ZFAND6: variants seen among roughly 807,000 people sequenced by gnomAD.
ZFAND6 encodes the protein zinc finger AN1-type containing 6.
A neutral mutation model predicts 24.5 loss-of-function variants in ZFAND6; 12 were observed. The ratio of observed to expected loss-of-function variants is 0.49; its 90% CI spans 0.31 to 0.79. The LOEUF is 0.79. Ranked by LOEUF, ZFAND6 falls within the 30% of genes least tolerant of loss-of-function variation. The pLI is 0.04. For missense variants in ZFAND6, 207 were observed against 245.9 expected (o/e 0.84, Z 1.06); for synonymous variants, 92 against 81.5 (o/e 1.13, Z -0.69).
intron 1 of ZFAND6, among the ~76,000 whole-genome samples, chr15:80,069,583 A>G (rs1460538140): frequency 6.6e-6 from 1 of 152,074 alleles, no homozygotes; most frequent in African/African-American, 2.4e-5. Flanking sequence ...AGGCTCAAAT[A>G]TATCTTACTT....
Position 80,121,194 on chromosome 15 carries a change from A to G in ZFAND6, c.155-518A>G, listed in dbSNP as rs114376184. ...TAGGCTATTACTTAGTTCATTTAAT[A>G]TTGTGTGTGAGATCTTGTCTGTTTT... On this transcript the variant is annotated intron_variant, in intron 3 of 6. Coordinates refer to ENST00000261749, the MANE Select transcript of ZFAND6 (RefSeq NM_019006.4). Among the ~76,000 whole-genome samples, 499 of 152,312 alleles carry G rather than the reference A, an allele frequency of 3.3e-3. 4 individuals carry two copies. The highest frequency in any genetic ancestry group is 0.011 in the African/African-American group (477 of 41,578).
chr15:80,112,306 A>C (rs991859911), intron 2 of ZFAND6, among the ~76,000 whole-genome samples: 1 of 152,128 alleles, frequency 6.6e-6, no homozygotes, highest in African/African-American at 2.4e-5. Context: ...TCAGTACAGT[A>C]GTCCAAAATC....
At position 80,094,528 on chromosome 15, in the gene ZFAND6, G is replaced by T. The variant is rs557791396; in HGVS notation, c.-180-3888G>T. ...TTGTCTTCCACGAAACTGGTCCCTG[G>T]ACCTCTTAGTAAGATTAACCCATTG... On this transcript the variant is annotated intron_variant, in intron 1 of 6. Transcript: ENST00000261749. Among the ~76,000 whole-genome samples, 6 of 151,550 alleles carry T rather than the reference G, an allele frequency of 4.0e-5. No homozygotes were observed. In the South Asian group the frequency reaches 1.2e-3, roughly 32 times the overall value.
chr15:80,097,227 T>C (rs878965362), intron 1 of ZFAND6, among the ~76,000 whole-genome samples: 1 of 152,104 alleles, frequency 6.6e-6, no homozygotes, highest in East Asian at 1.9e-4. Context: ...CATGAACTCC[T>C]GACCTCTGGT....
chr15:80,059,074 G>T (rs1439633677), upstream of ZFAND6, among the ~76,000 whole-genome samples: 1 of 152,252 alleles, frequency 6.6e-6, no homozygotes, highest in African/African-American at 2.4e-5. Context: ...GTGCATGCAC[G>T]CTTCTCGTCT....
At chr15:80,063,753 G>T (rs1032241218) in intron 1 of ZFAND6, among the ~76,000 whole-genome samples, 3 of 152,108 alleles carry the variant, frequency 2.0e-5, no homozygotes, top group Non-Finnish European at 4.4e-5. Flanking sequence ...GTTTCAGCAT[G>T]TTGGCCAGCC....
chr15:80,124,294 G>A (rs1347480946), intron 5 of ZFAND6, among the ~76,000 whole-genome samples: 6 of 152,138 alleles, frequency 3.9e-5, no homozygotes, highest in South Asian at 2.1e-4. Flanking sequence ...TTAGCTGGGC[G>A]TGGTGGCGGG....
At chr15:80,129,837 A>G (rs2040517965) in intron 5 of ZFAND6, 1 of 152,234 alleles carries the variant, frequency 6.6e-6, no homozygotes, top group Non-Finnish European at 1.5e-5. Context: ...TTAGCCTGAT[A>G]AAAAGAGGGA....
chr15:80,093,572 A>G (rs2038522565), intron 1 of ZFAND6, among the ~76,000 whole-genome samples: 1 of 152,014 alleles, frequency 6.6e-6, no homozygotes, highest in Admixed American at 6.6e-5. Context: ...ACTAAAATAC[A>G]AAATTAGTCG....
intron 2 of ZFAND6, among the ~76,000 whole-genome samples, chr15:80,099,825 C>T (rs2038940040): frequency 6.6e-6 from 1 of 152,036 alleles, no homozygotes; most frequent in South Asian, 2.1e-4. Flanking sequence ...CCATGTTGGC[C>T]AGTCTGGTCT....
In ZFAND6 at chr15:80,109,159, C is replaced by G. The variant is rs560699759; in HGVS notation, c.-18+10581C>G. On this transcript the variant is annotated intron_variant, in intron 2 of 6. Coordinates refer to ENST00000261749, the MANE Select transcript of ZFAND6 (RefSeq NM_019006.4). ...TCTCGTTTTTTGCCTTGGGATAAAT[C>G]CTTGGCTACTAGTGGTGGTGTGCAG... 2.6e-5 allele frequency among the ~76,000 whole-genome samples: 4 copies of G among 152,222 alleles called. No homozygotes were observed. In the East Asian group the frequency reaches 5.8e-4, roughly 22 times the overall value.
intron 1 of ZFAND6, among the ~76,000 whole-genome samples, chr15:80,073,776 A>G (rs1242002766): frequency 6.6e-6 from 1 of 151,854 alleles, no homozygotes; most frequent in Non-Finnish European, 1.5e-5. Flanking sequence ...TCACTTAACT[A>G]TCTGTTGAAA....
intron 2 of ZFAND6, among the ~76,000 whole-genome samples, chr15:80,113,702 C>T (rs551187242): frequency 1.7e-4 from 26 of 152,086 alleles, no homozygotes; most frequent in Non-Finnish European, 2.9e-4. Flanking sequence ...AGTGTGTTTA[C>T]TCAACAAAAT....
intron 1 of ZFAND6, among the ~76,000 whole-genome samples, chr15:80,091,488 A>G (rs979776629): frequency 1.3e-5 from 2 of 152,210 alleles, no homozygotes; most frequent in African/African-American, 4.8e-5. Context: ...TTTAGATAAA[A>G]TGGTTAATTT....
chr15:80,059,962 A>C (rs556544255), intron 1 of ZFAND6, among the ~76,000 whole-genome samples, 153 bp downstream of exon 1: 6 of 150,760 alleles, frequency 4.0e-5, no homozygotes, highest in African/African-American at 1.5e-4. Context: ...CCGGCGCAGC[A>C]GGTGGTGGGC....
At chr15:80,096,564 A>G (rs1212361682) in intron 1 of ZFAND6, among the ~76,000 whole-genome samples, 2 of 152,258 alleles carry the variant, frequency 1.3e-5, no homozygotes, top group Non-Finnish European at 2.9e-5. Context: ...CATCTCTTAC[A>G]GCATAGCAAA....
Position 80,089,243 on chromosome 15 carries a change from G to A in ZFAND6, c.-180-9173G>A, listed in dbSNP as rs142314852. Among the ~76,000 whole-genome samples, 370 of 140,236 alleles carry A rather than the reference G, an allele frequency of 2.6e-3. 3 individuals are homozygous for A. The highest frequency in any genetic ancestry group is 9.1e-3 in the African/African-American group (344 of 37,974). The allele number at this position is 140,236 out of a possible 152,430, so 92.0% of individuals were successfully genotyped here. On this transcript the variant is annotated intron_variant, in intron 1 of 6. Transcript: ENST00000261749. ...TGAGTAGGGGCCATATTCTGTCTTC[G>A]TGTGTGAGTGTGTGTGTTTTTTTTT...
intron 2 of ZFAND6, among the ~76,000 whole-genome samples, chr15:80,101,544 C>T (rs1280835844): frequency 1.3e-5 from 2 of 152,134 alleles, no homozygotes; most frequent in Non-Finnish European, 2.9e-5. Context: ...TTCACATTCT[C>T]AGTAGCTACA....
intron 2 of ZFAND6, among the ~76,000 whole-genome samples, chr15:80,115,221 C>CT (rs1349677166): frequency 1.3e-5 from 2 of 152,022 alleles, no homozygotes; most frequent in Non-Finnish European, 2.9e-5. Context: ...CTCTGAATAA[C>CT]TGTTAAGTAT....
Sources: gnomAD v4.1 joint callset for allele counts (sites outside exome capture counted in the v4.1 genomes callset) on GRCh38, gnomAD v4.1.1 for gene constraint, MANE v1.5 for transcripts, NCBI Gene and HGNC (gene_info 2026-07-23, HGNC 2026-07-21) for gene names.